The following PCSK5 variants were observed in gnomAD, a reference collection of about 807,000 sequenced individuals.
The protein encoded by PCSK5 is prohormone convertase 5.
PCSK5 carries 129 observed loss-of-function variants against 233.2 expected under a neutral mutation model. The ratio of observed to expected loss-of-function variants is 0.55; its 90% CI spans 0.48 to 0.64. The LOEUF (loss-of-function observed/expected upper bound fraction) is 0.64. Ranked by LOEUF, PCSK5 falls within the 30% of genes least tolerant of loss-of-function variation. PCSK5 has a pLI of 0.00. For missense variants in PCSK5, 2,076 were observed against 2,430.1 expected, an observed-to-expected ratio of 0.85 and a Z score of 3.06; for synonymous variants, 825 against 879.2, an observed-to-expected ratio of 0.94 and a Z score of 1.09.
chr9:75,989,101 G>A (rs922989795), intron 3 of PCSK5, among the ~76,000 whole-genome samples: 1 of 152,290 alleles, frequency 6.6e-6, no homozygotes, highest in African/African-American at 2.4e-5. Flanking sequence ...CATACCTTAT[G>A]CTTCTCTGTT....
At chr9:76,037,364 T>C (rs981491999) in intron 5 of PCSK5, among the ~76,000 whole-genome samples, 25 of 152,226 alleles carry the variant, frequency 1.6e-4, no homozygotes, top group African/African-American at 6.0e-4. Context: ...TTTGTTTGTT[T>C]GTTTGTTTAA....
chr9:76,157,929 T>C (rs895001578), intron 11 of PCSK5, among the ~76,000 whole-genome samples: 3 of 152,228 alleles, frequency 2.0e-5, no homozygotes, highest in Non-Finnish European at 4.4e-5. Flanking sequence ...TATGTTTTCC[T>C]CTTGAAGCTG....
intron 2 of PCSK5, among the ~76,000 whole-genome samples, chr9:75,979,722 A>T (rs529238095): frequency 6.6e-6 from 1 of 152,326 alleles, no homozygotes; most frequent in South Asian, 2.1e-4. Context: ...ATCTGCACAG[A>T]TGGTTTCTCA....
intron 15 of PCSK5, 26 bp downstream of exon 15, chr9:76,179,724 C>G (rs753885439): frequency 1.4e-5 from 21 of 1,481,250 alleles, no homozygotes; most frequent in Non-Finnish European, 2.0e-5. Flanking sequence ...AGTCACATCC[C>G]CACAGCATGT....
intron 17 of PCSK5, among the ~76,000 whole-genome samples, chr9:76,187,354 T>C (rs1824154061): frequency 6.6e-6 from 1 of 152,116 alleles, no homozygotes; most frequent in African/African-American, 2.4e-5. Flanking sequence ...GAATAATATT[T>C]TTTATATTAA....
In PCSK5 at chr9:76,294,841, A is replaced by G. The variant is rs114114270; in HGVS notation, c.3186-434A>G. 2.0e-3 allele frequency among the ~76,000 whole-genome samples: 300 copies of G among 152,200 alleles called. 1 individual carries two copies. The highest frequency in any genetic ancestry group is 7.0e-3 in the African/African-American group (290 of 41,524). The stretch of plus-strand genomic sequence containing the variant: ...CATAACAGACCAAGCCTGAAATTCA[A>G]TTATCCACTCCTGTTGAAAATGCTG... On this transcript the variant is annotated intron_variant, in intron 25 of 37. Transcript: ENST00000674117.
At chr9:76,268,419 G>C (rs1026758193) in intron 24 of PCSK5, among the ~76,000 whole-genome samples, 3 of 152,114 alleles carry the variant, frequency 2.0e-5, no homozygotes, top group African/African-American at 7.2e-5. Flanking sequence ...TTTGTTTGTT[G>C]ACTGGTGGTG....
intron 7 of PCSK5, among the ~76,000 whole-genome samples, chr9:76,079,711 G>T (rs1402181825): frequency 6.6e-6 from 1 of 152,164 alleles, no homozygotes; most frequent in East Asian, 1.9e-4. Context: ...TTGAATAGGA[G>T]TGTTGAGAGT....
intron 8 of PCSK5, 70 bp downstream of exon 8, chr9:76,096,172 C>A: frequency 3.5e-6 from 3 of 858,338 alleles, no homozygotes; most frequent in Non-Finnish European, 5.6e-6. Flanking sequence ...AAGGGAGAAC[C>A]ATAAACATAT....
chr9:75,891,451 TC>T, intron 1 of PCSK5, 78 bp downstream of exon 1: 2 of 1,146,438 alleles, frequency 1.7e-6, no homozygotes, highest in East Asian at 2.8e-5. Context: ...TGGAACCCCC[TC>T]CCCCTCTTCC....
intron 5 of PCSK5, among the ~76,000 whole-genome samples, chr9:76,064,419 C>T (rs1451134039): frequency 2.4e-5 from 3 of 126,790 alleles, no homozygotes; most frequent in Non-Finnish European, 5.1e-5. Flanking sequence ...CTGACCCCCC[C>T]ACCTCCCTCC....
At chr9:76,233,337 C>T in intron 21 of PCSK5, 123 bp from the exon 22 acceptor site, 2 of 904,730 alleles carry the variant, frequency 2.2e-6, no homozygotes, top group Non-Finnish European at 3.4e-6. Flanking sequence ...CCCAGGCATC[C>T]CCCTTGTTTC....
chr9:76,333,643 T>C (rs900425830), intron 34 of PCSK5, among the ~76,000 whole-genome samples: 3 of 152,180 alleles, frequency 2.0e-5, no homozygotes, highest in East Asian at 3.9e-4. Context: ...GAGTAAAAGA[T>C]TGATGATAGG....
In PCSK5 at chr9:75,892,336, C is replaced by G. The variant is rs190777363; in HGVS notation, c.192+963C>G. Among the ~76,000 whole-genome samples the G allele has an allele frequency of 5.3e-5, 8 of 152,324 alleles. 1 individual carries two copies. The South Asian group carries it at 6.2e-4, about 12-fold the overall frequency. ...GTCTTGGCTTTCTGGTTCTCTTCCCCCGACACCCCTGCGAGAAATGGGGGT... is the reference window on the plus strand; with the variant it reads ...GTCTTGGCTTTCTGGTTCTCTTCCCGCGACACCCCTGCGAGAAATGGGGGT... On this transcript the variant is annotated intron_variant, in intron 1 of 37. Transcript: ENST00000674117.
intron 22 of PCSK5, among the ~76,000 whole-genome samples, chr9:76,235,763 T>C (rs10781350): frequency 0.38 from 57,406 of 151,966 alleles, 11,120 homozygotes; most frequent in Non-Finnish European, 0.42. Context: ...TTCCTCGAGG[T>C]GGGGTGTTGT....
intron 17 of PCSK5, among the ~76,000 whole-genome samples, chr9:76,187,838 G>C (rs1381072116): frequency 6.8e-6 from 1 of 147,344 alleles, no homozygotes; most frequent in Non-Finnish European, 1.5e-5. Context: ...AATTTAAATA[G>C]GTTATTTAAT....
intron 2 of PCSK5, among the ~76,000 whole-genome samples, chr9:75,963,410 T>C (rs112758537): frequency 2.4e-4 from 37 of 152,380 alleles, no homozygotes; most frequent in Non-Finnish European, 4.7e-4. Context: ...ATAAGAATTA[T>C]AGAGCGGCAT....
intron 22 of PCSK5, among the ~76,000 whole-genome samples, chr9:76,237,646 C>T (rs935644970): frequency 4.6e-5 from 7 of 151,598 alleles, no homozygotes; most frequent in Admixed American, 4.6e-4. Context: ...CATGGTGGCA[C>T]GCACCTGTGG....
chr9:76,150,404 C>T (rs1429935254), intron 10 of PCSK5, among the ~76,000 whole-genome samples: 3 of 152,242 alleles, frequency 2.0e-5, no homozygotes, highest in Middle Eastern at 3.4e-3. Flanking sequence ...GAGGCTGACA[C>T]GGGCGGATCA....
Sources: gnomAD v4.1 joint callset for allele counts (sites outside exome capture counted in the v4.1 genomes callset) on GRCh38, gnomAD v4.1.1 for gene constraint, MANE v1.5 for transcripts, NCBI Gene and HGNC (gene_info 2026-07-23, HGNC 2026-07-21) for gene names.